RBPMS2: variants seen among roughly 807,000 people sequenced by gnomAD.
RBPMS2 encodes the protein RNA binding protein, mRNA processing factor 2, also known as RNA-binding protein with multiple splicing 2.
A neutral mutation model predicts 25.7 loss-of-function variants in RBPMS2; 14 were observed. The observed-to-expected ratio is 0.55, with a 90% CI of 0.36 to 0.85. The LOEUF (loss-of-function observed/expected upper bound fraction) is 0.85. RBPMS2 is among the 40% of genes least tolerant of loss of function. RBPMS2 has a pLI of 0.01. For missense variants in RBPMS2, 252 were observed against 283.4 expected, an observed-to-expected ratio of 0.89 and a Z score of 0.80; for synonymous variants, 127 against 115.6, an observed-to-expected ratio of 1.10 and a Z score of -0.63.
At chr15:64,746,103 A>G (rs1175954232) in intron 6 of RBPMS2, among the ~76,000 whole-genome samples, 2 of 152,222 alleles carry the variant, frequency 1.3e-5, no homozygotes, top group South Asian at 2.1e-4. Context: ...AAGGAAAAAA[A>G]TAAAATGTTC....
intron 1 of RBPMS2, among the ~76,000 whole-genome samples, chr15:64,770,653 C>G (rs2083886332): frequency 6.6e-6 from 1 of 152,080 alleles, no homozygotes; most frequent in African/African-American, 2.4e-5. Context: ...TCAAAAAAAG[C>G]CTGCAGACCA....
chr15:64,748,477 G>A lies in RBPMS2; in HGVS notation c.509C>T (p.Ser170Phe), dbSNP rs867271733. 1 of 1,614,108 alleles carries A rather than the reference G, an allele frequency of 6.2e-7. No individual in the cohort carries two copies. The highest frequency in any genetic ancestry group is 8.5e-7 in the Non-Finnish European group (1 of 1,179,988). Residue 170 changes from serine (S) to phenylalanine (F), a missense_variant, in exon 6 of 8, where the codon TCC becomes TTC. Transcript: ENST00000300069. ...AGTTGGGTAGGTGAACGCAGCATGG[G>A]AGATGGCTGGGGTCAGCTCTGTGGT... ...LYTTELTPAI[S>F]HAAFTYPTAT...
At position 64,775,208 on chromosome 15, in the gene RBPMS2, G is replaced by A. The variant is rs767390455; in HGVS notation, c.87+25C>T. The A allele has an allele frequency of 1.3e-3, 1,552 of 1,205,040 alleles. 4 individuals are homozygous for A. The highest frequency in any genetic ancestry group is 1.5e-3 in the Non-Finnish European group (1,434 of 966,766). 74.6% of individuals were successfully genotyped at this position (1,205,040 alleles called of 1,614,324 possible). ...GCCCGCCTGGCGTGCGCTTCACCCG[G>A]CAAGTCCCGGGGCCACAGACCCACC... is the stretch of plus-strand genomic sequence containing the variant. On this transcript the variant is annotated intron_variant, in intron 1 of 7. Transcript: ENST00000300069.
chr15:64,758,713 G>C (rs907033476), intron 1 of RBPMS2, among the ~76,000 whole-genome samples: 1 of 151,282 alleles, frequency 6.6e-6, no homozygotes, highest in Non-Finnish European at 1.5e-5. Flanking sequence ...TCTGAGGCAA[G>C]TCTTGCCTCT....
At chr15:64,774,326 C>T (rs894499049) in intron 1 of RBPMS2, among the ~76,000 whole-genome samples, 2 of 152,204 alleles carry the variant, frequency 1.3e-5, no homozygotes, top group Non-Finnish European at 2.9e-5. Context: ...GAAGCCTGTC[C>T]CCTTCTACTC....
intron 6 of RBPMS2, among the ~76,000 whole-genome samples, chr15:64,747,325 G>A (rs537578102): frequency 6.6e-6 from 1 of 152,230 alleles, no homozygotes; most frequent in African/African-American, 2.4e-5. Flanking sequence ...ACAGCTCTCG[G>A]GCAGAGCACC....
intron 3 of RBPMS2, among the ~76,000 whole-genome samples, chr15:64,749,900 T>C (rs563335493): frequency 6.6e-6 from 1 of 152,230 alleles, no homozygotes; most frequent in East Asian, 1.9e-4. Context: ...CAAGGAGCAA[T>C]AGGTTGAAAA....
chr15:64,757,553 A>C (rs1404711754), intron 1 of RBPMS2, among the ~76,000 whole-genome samples: 1 of 152,226 alleles, frequency 6.6e-6, no homozygotes, highest in African/African-American at 2.4e-5. Context: ...CACAGAGATC[A>C]GCTAGTTCAA....
rs748967917 is a variant in RBPMS2, at chr15:64,744,798, G to GTTTTTTT, written c.568-3563_568-3557dup. Reference sequence around the variant, plus strand: ...TATTTAAGTTTTTTTGGTTTGTTTTGTTTTTTTTTTTTTTTTTTTTTTTTT... The same window carrying GTTTTTTT: ...TATTTAAGTTTTTTTGGTTTGTTTTGTTTTTTTTTTTTTTTTTTTTTTTTTTTTTTTT... On this transcript the variant is annotated intron_variant, in intron 6 of 7. Coordinates refer to ENST00000300069, the MANE Select transcript of RBPMS2 (RefSeq NM_194272.3). Among the ~76,000 whole-genome samples the GTTTTTTT allele has an allele frequency of 3.0e-4, 14 of 46,288 alleles. 1 individual carries two copies. The highest frequency in any genetic ancestry group is 5.2e-4 in the African/African-American group (7 of 13,580). The allele number at this position is 46,288 out of a possible 152,430, so 30.4% of individuals were successfully genotyped here.
intron 1 of RBPMS2, among the ~76,000 whole-genome samples, chr15:64,758,984 C>T (rs1029047185): frequency 5.3e-5 from 8 of 151,944 alleles, no homozygotes; most frequent in Middle Eastern, 3.2e-3. Flanking sequence ...TGAGATGGGG[C>T]GTCACTCTGT....
Position 64,771,679 on chromosome 15 carries a change from G to T in RBPMS2, c.87+3554C>A, listed in dbSNP as rs114377959. Among the ~76,000 whole-genome samples, 1,116 of 151,652 alleles carry T rather than the reference G, an allele frequency of 7.4e-3. 8 individuals are homozygous for T. The highest frequency in any genetic ancestry group is 0.026 in the African/African-American group (1,088 of 41,290). The stretch of plus-strand genomic sequence containing the variant: ...GAGACTGTCTCAAAAACAAAACAAG[G>T]CTGGGCGCCGTGGCTCAGGCCTGTA... On this transcript the variant is annotated intron_variant, in intron 1 of 7. Coordinates refer to ENST00000300069, the MANE Select transcript of RBPMS2 (RefSeq NM_194272.3).
intron 1 of RBPMS2, among the ~76,000 whole-genome samples, chr15:64,759,098 C>T (rs1011781401): frequency 6.6e-6 from 1 of 152,100 alleles, no homozygotes; most frequent in African/African-American, 2.4e-5. Context: ...TCCTGAGCCA[C>T]CTCTTGACCT....
At chr15:64,761,226 G>C (rs548904745) in intron 1 of RBPMS2, 2 of 152,204 alleles carry the variant, frequency 1.3e-5, no homozygotes, top group African/African-American at 4.8e-5. Flanking sequence ...ACACTACTTT[G>C]GGAAGGGGGT....
intron 1 of RBPMS2, among the ~76,000 whole-genome samples, chr15:64,769,388 C>A (rs1163703023): frequency 6.9e-6 from 1 of 144,312 alleles, no homozygotes; most frequent in African/African-American, 2.5e-5. Flanking sequence ...CGCGCCATTG[C>A]ACTCCAGCCT....
At chr15:64,760,268 T>G (rs1407347568) in intron 1 of RBPMS2, among the ~76,000 whole-genome samples, 1 of 152,144 alleles carries the variant, frequency 6.6e-6, no homozygotes, top group Non-Finnish European at 1.5e-5. Context: ...ACCCCACACT[T>G]GGTCAGAAGT....
chr15:64,767,107 T>C (rs2083853730), intron 1 of RBPMS2, among the ~76,000 whole-genome samples: 1 of 151,260 alleles, frequency 6.6e-6, no homozygotes, highest in Non-Finnish European at 1.5e-5. Flanking sequence ...TTTTTCTCTC[T>C]TTTTTTTTGA....
chr15:64,762,535 C>T (rs1405253947), intron 1 of RBPMS2: 1 of 534,352 alleles, frequency 1.9e-6, no homozygotes, highest in South Asian at 1.4e-5. Flanking sequence ...GGGAAAGAGA[C>T]CCCACTGAGA....
At chr15:64,757,556 T>C (rs2083744751) in intron 1 of RBPMS2, among the ~76,000 whole-genome samples, 3 of 152,128 alleles carry the variant, frequency 2.0e-5, no homozygotes, top group Non-Finnish European at 2.9e-5. Context: ...AGAGATCAGC[T>C]AGTTCAACCC....
At chr15:64,752,694 T>C (rs893230402) in intron 1 of RBPMS2, among the ~76,000 whole-genome samples, 2 of 151,688 alleles carry the variant, frequency 1.3e-5, no homozygotes, top group African/African-American at 4.9e-5. Context: ...CACTGCAACC[T>C]CTGCCTCCCC....
Sources: allele counts gnomAD v4.1 joint callset (sites outside exome capture counted in the v4.1 genomes callset), GRCh38; gene constraint gnomAD v4.1.1; transcripts MANE v1.5; gene names NCBI Gene and HGNC (gene_info 2026-07-23, HGNC 2026-07-21).